The following PCSK6 variants were observed in gnomAD, a reference collection of about 807,000 sequenced individuals.
PCSK6 encodes proprotein convertase subtilisin/kexin type 6, also known as paired basic amino acid cleaving enzyme 4.
Under a neutral mutation model 123.3 loss-of-function variants are expected in PCSK6, and 85 were observed. The ratio of observed to expected loss-of-function variants is 0.69; its 90% CI spans 0.58 to 0.83. The LOEUF is 0.83. PCSK6 is among the 40% of genes least tolerant of loss of function. PCSK6 has a pLI of 0.00. For missense variants in PCSK6, 1,191 were observed against 1,282.3 expected, an observed-to-expected ratio of 0.93 and a Z score of 1.09; for synonymous variants, 508 against 516.0, an observed-to-expected ratio of 0.98 and a Z score of 0.21.
At chr15:101,463,180 G>T in intron 1 of PCSK6, 1 of 451,780 alleles carries the variant, frequency 2.2e-6, no homozygotes, top group Non-Finnish European at 4.5e-6. Context: ...GGGCCTTCTG[G>T]TTGGCTCCTT....
chr15:101,488,844 G>T (rs2058084742), intron 1 of PCSK6, among the ~76,000 whole-genome samples: 1 of 151,412 alleles, frequency 6.6e-6, no homozygotes, highest in Non-Finnish European at 1.5e-5. Context: ...GCGAGTCCCC[G>T]AGACGCCGGG....
chr15:101,433,402 G>A (rs2056506127), intron 2 of PCSK6, among the ~76,000 whole-genome samples: 1 of 152,190 alleles, frequency 6.6e-6, no homozygotes, highest in Non-Finnish European at 1.5e-5. Flanking sequence ...GTTTTCTTTG[G>A]TCTTACCACG....
At chr15:101,342,587 C>T (rs945464606) in intron 13 of PCSK6, among the ~76,000 whole-genome samples, 7 of 152,168 alleles carry the variant, frequency 4.6e-5, no homozygotes, top group African/African-American at 1.7e-4. Context: ...CATATGTGCT[C>T]TTGGGATTTG....
chr15:101,433,186 C>T (rs1243942847), intron 2 of PCSK6, among the ~76,000 whole-genome samples: 2 of 152,164 alleles, frequency 1.3e-5, no homozygotes, highest in Non-Finnish European at 2.9e-5. Flanking sequence ...CATCCATGGC[C>T]TCAGGGTGGT....
rs114194694 is a variant in PCSK6, at chr15:101,364,231, C to T, written c.1858+1965G>A. ...TCTTCACAGAAAAGGGCACAGGGAA[C>T]GACGGAACAGTGAAAGCAAACCTTG... On this transcript the variant is annotated intron_variant, in intron 13 of 21. Transcript: ENST00000611716. 7.9e-3 allele frequency among the ~76,000 whole-genome samples: 1,199 copies of T among 152,208 alleles called. 21 individuals carry two copies. Among genetic ancestry groups the T allele is most frequent in the African/African-American group, 0.027 (1,140 of 41,536 alleles).
intron 2 of PCSK6, among the ~76,000 whole-genome samples, chr15:101,440,220 CTTGGG>C (rs1178527389): frequency 6.6e-6 from 1 of 152,250 alleles, no homozygotes; most frequent in Non-Finnish European, 1.5e-5. Context: ...ACTGCGAACA[CTTGGG>C]CTGTTCCTCC....
chr15:101,307,116 C>T (rs572796634), intron 21 of PCSK6, 97 bp downstream of exon 21: 97 of 822,040 alleles, frequency 1.2e-4, no homozygotes, highest in South Asian at 7.9e-4. Flanking sequence ...TCTGTGGAGC[C>T]GCCATGCCTA....
intron 6 of PCSK6, among the ~76,000 whole-genome samples, chr15:101,405,636 T>C (rs1359932871): frequency 6.6e-6 from 1 of 152,006 alleles, no homozygotes; most frequent in Admixed American, 6.6e-5. Context: ...TTAAATGCCC[T>C]GGGAGAACTT....
At position 101,305,905 on chromosome 15, in the gene PCSK6, C is replaced by T. The variant is rs868124807; in HGVS notation, c.2813-550G>A. Among the ~76,000 whole-genome samples the T allele has an allele frequency of 9.9e-5, 15 of 151,968 alleles. No individual in the cohort carries two copies. Among genetic ancestry groups the T allele is most frequent in the African/African-American group, 3.6e-4 (15 of 41,354 alleles). The stretch of plus-strand genomic sequence containing the variant: ...AGGGCACTGGTATATGGGGCTCTTG[C>T]TGAGTCTCAGTGACAAGGGGATTCA... On this transcript the variant is annotated intron_variant, in intron 21 of 21. Coordinates refer to ENST00000611716, the MANE Select transcript of PCSK6 (RefSeq NM_002570.5). This position sits in a 1 kb window ranked among gnomAD's most constrained non-coding sequence, Gnocchi z 4.8.
Position 101,370,470 on chromosome 15 carries a change from G to A in PCSK6, c.1586C>T (p.Ala529Val), listed in dbSNP as rs116197681. ...GACCACCCGCTGGTCCGAGTGCTCC[G>A]CGCAGGCGCTGGTCAGGGCCGTAGT... ...LRTTALTSACAEHSDQRVVYL... is the reference protein window; with the variant it reads ...LRTTALTSACVEHSDQRVVYL... The change falls in exon 12 of 22, where the codon GCG becomes GTG. Residue 529 changes from alanine (A) to valine (V), a missense_variant. This residue lies in a region of PCSK6 where 630 missense variants were observed against 631.4 expected (regional missense o/e 1.00). Coordinates refer to ENST00000611716, the MANE Select transcript of PCSK6 (RefSeq NM_002570.5). 1,001 of 1,548,428 alleles carry A rather than the reference G, an allele frequency of 6.5e-4. 5 individuals are homozygous for A. The African/African-American group carries it at 0.011, about 17-fold the overall frequency.
At chr15:101,394,888 T>C (rs1012076945) in intron 7 of PCSK6, among the ~76,000 whole-genome samples, 2 of 152,222 alleles carry the variant, frequency 1.3e-5, no homozygotes, top group Non-Finnish European at 2.9e-5. Flanking sequence ...CTCTGCTTTC[T>C]GCATCTGCAA....
intron 1 of PCSK6, among the ~76,000 whole-genome samples, chr15:101,485,491 C>T (rs1257418987): frequency 6.6e-6 from 1 of 152,022 alleles, no homozygotes; most frequent in Non-Finnish European, 1.5e-5. Flanking sequence ...ACTCCTTTCC[C>T]GGTGTGACAA....
chr15:101,312,894 A>C (rs2039899691), intron 20 of PCSK6: 1 of 317,656 alleles, frequency 3.1e-6, no homozygotes, highest in Non-Finnish European at 4.8e-6. Flanking sequence ...AGTCCCAGCT[A>C]CTCGGGAGGC....
chr15:101,327,395 T>C (rs1162987416), intron 15 of PCSK6, among the ~76,000 whole-genome samples: 1 of 152,180 alleles, frequency 6.6e-6, no homozygotes, highest in Admixed American at 6.5e-5. Flanking sequence ...CTCCCCACGC[T>C]GGTCGGCAGG....
chr15:101,387,121 C>T (rs4246334), intron 9 of PCSK6, among the ~76,000 whole-genome samples: 95,791 of 152,070 alleles, frequency 0.63, 31,153 homozygotes, highest in Admixed American at 0.73. Flanking sequence ...TCTCCCCGTC[C>T]GTGTCCAGTG....
rs548713698 is a variant in PCSK6 at position 101,409,931 on chromosome 15, T to TTTTG, written c.824-11359_824-11356dup. 4.1e-4 allele frequency among the ~76,000 whole-genome samples: 62 copies of TTTTG among 152,114 alleles called. 1 individual carries two copies. The South Asian group carries it at 0.012, about 30-fold the overall frequency. ...CATTCTGGGAGGGGCCTTCACACTT[T>TTTTG]TTTGTTTGTTTGTTTTTTTGAGTTT... is the stretch of plus-strand genomic sequence containing the variant. On this transcript the variant is annotated intron_variant, in intron 6 of 21. Transcript: ENST00000611716.
chr15:101,393,102 G>T, intron 8 of PCSK6, 110 bp downstream of exon 8: 2 of 938,970 alleles, frequency 2.1e-6, no homozygotes, highest in Non-Finnish European at 3.4e-6. Context: ...CTGGGATCCG[G>T]AACAATCTGG....
intron 9 of PCSK6, among the ~76,000 whole-genome samples, chr15:101,386,407 C>T (rs2042065402): frequency 6.6e-6 from 1 of 152,188 alleles, no homozygotes; most frequent in African/African-American, 2.4e-5. Flanking sequence ...AAAGGTACAG[C>T]TCAGTAGCAT....
intron 20 of PCSK6, chr15:101,308,653 G>A (rs779767186): frequency 6.6e-6 from 1 of 152,060 alleles, no homozygotes; most frequent in Non-Finnish European, 1.5e-5. Context: ...GGCCGCCCCA[G>A]AGGAAAGGAT....
Sources: allele counts gnomAD v4.1 joint callset (sites outside exome capture counted in the v4.1 genomes callset), GRCh38; gene constraint gnomAD v4.1.1; regional missense constraint gnomAD v4.1.1; non-coding constraint Gnocchi (gnomAD v3.1); transcripts MANE v1.5; gene names NCBI Gene and HGNC (gene_info 2026-07-23, HGNC 2026-07-21).